Variants in IDO2 observed in about 807,000 individuals in gnomAD.
The protein encoded by IDO2 is indoleamine 2,3-dioxygenase-like 1 protein.
In IDO2, 46 loss-of-function variants were observed where a neutral mutation model predicts 45.1. The observed-to-expected ratio is 1.02, with a 90% CI of 0.80 to 1.30. The LOEUF is 1.30. Among genes scored for constraint, IDO2 ranks in the 50% most tolerant of loss-of-function variants. IDO2 has a pLI of 0.00. For synonymous variants in IDO2, 218 were observed against 184.9 expected, an observed-to-expected ratio of 1.18 and a Z score of -1.45; for missense variants, 544 against 491.8, an observed-to-expected ratio of 1.11 and a Z score of -1.00.
At chr8:39,947,730 T>C (rs1807759542) in intron 1 of IDO2, among the ~76,000 whole-genome samples, 1 of 152,108 alleles carries the variant, frequency 6.6e-6, no homozygotes, top group South Asian at 2.1e-4. Flanking sequence ...GTACCTTTTC[T>C]GCAGGAAGTA....
chr8:40,005,777 C>G (rs1160433117), intron 9 of IDO2, among the ~76,000 whole-genome samples: 3 of 152,116 alleles, frequency 2.0e-5, no homozygotes, highest in African/African-American at 4.8e-5. Context: ...TCTAAAGTTC[C>G]TGGAAGAGCT....
intron 8 of IDO2, among the ~76,000 whole-genome samples, chr8:39,994,302 G>A (rs1168959814): frequency 1.3e-5 from 2 of 148,964 alleles, no homozygotes; most frequent in Non-Finnish European, 3.0e-5. Flanking sequence ...TTGTTGCCCA[G>A]GCTGGGGTGC....
At chr8:39,956,646 G>A (rs1197080773) in intron 2 of IDO2, among the ~76,000 whole-genome samples, 1 of 152,106 alleles carries the variant, frequency 6.6e-6, no homozygotes, top group African/African-American at 2.4e-5. Context: ...CTTATTCCCT[G>A]TTGAAGTTTG....
At chr8:39,946,957 C>G (rs189904420) in intron 1 of IDO2, among the ~76,000 whole-genome samples, 1 of 151,780 alleles carries the variant, frequency 6.6e-6, no homozygotes, top group African/African-American at 2.4e-5. Context: ...GTCAGGAGTT[C>G]CAGACCAGCC....
At chr8:40,004,553 A>AGAT (rs1563441323) in intron 8 of IDO2, among the ~76,000 whole-genome samples, 1 of 151,934 alleles carries the variant, frequency 6.6e-6, no homozygotes. Context: ...ATAGATAGAT[A>AGAT]GATAGATAGA....
At chr8:39,988,787 T>C (rs897189865) in intron 7 of IDO2, among the ~76,000 whole-genome samples, 1 of 152,170 alleles carries the variant, frequency 6.6e-6, no homozygotes, top group African/African-American at 2.4e-5. Context: ...ATTTCTGCTA[T>C]ATTATAGCGC....
At chr8:39,985,681 C>T (rs1808412089) in intron 6 of IDO2, 159 bp downstream of exon 6, 3 of 655,824 alleles carry the variant, frequency 4.6e-6, no homozygotes, top group Admixed American at 3.1e-5. Flanking sequence ...GCCTAAAATT[C>T]ACAGTCTAAA....
chr8:39,995,665 G>C (rs981889913), intron 8 of IDO2, among the ~76,000 whole-genome samples: 2 of 152,202 alleles, frequency 1.3e-5, no homozygotes. Flanking sequence ...ATAGATTATA[G>C]ATATGATTAC....
chr8:39,946,698 C>G (rs1233351092), intron 1 of IDO2, among the ~76,000 whole-genome samples: 1 of 152,204 alleles, frequency 6.6e-6, no homozygotes, highest in Admixed American at 6.5e-5. Flanking sequence ...GTCTCCCGCA[C>G]AGCCTGCTCT....
intron 3 of IDO2, among the ~76,000 whole-genome samples, chr8:39,967,964 A>G (rs1808116085): frequency 6.6e-6 from 1 of 152,122 alleles, no homozygotes; most frequent in South Asian, 2.1e-4. Context: ...ACATAGATTT[A>G]CCATGCAACT....
intron 2 of IDO2, among the ~76,000 whole-genome samples, chr8:39,962,975 C>T (rs916563166): frequency 3.3e-5 from 5 of 152,240 alleles, no homozygotes; most frequent in Admixed American, 1.3e-4. Flanking sequence ...CTCTGGGTCA[C>T]GGGTTTCATC....
chr8:39,970,966 C>T (rs889902884), intron 3 of IDO2, among the ~76,000 whole-genome samples: 6 of 151,820 alleles, frequency 4.0e-5, no homozygotes, highest in African/African-American at 1.5e-4. Flanking sequence ...GGGGTTTCAC[C>T]ATGTTGGCCA....
At chr8:39,976,463 G>A (rs565087132) in intron 3 of IDO2, among the ~76,000 whole-genome samples, 1 of 152,278 alleles carries the variant, frequency 6.6e-6, no homozygotes, top group African/African-American at 2.4e-5. Context: ...GCTGAGTGAT[G>A]AGTAAATAAG....
chr8:39,941,049 A>G (rs59312250), intron 1 of IDO2, among the ~76,000 whole-genome samples: 63,515 of 150,844 alleles, frequency 0.42, 13,555 homozygotes, highest in East Asian at 0.59. Context: ...GGTGAAACCC[A>G]ATCTCTTCTA....
intron 3 of IDO2, among the ~76,000 whole-genome samples, chr8:39,966,880 C>T (rs1327900207): frequency 6.6e-6 from 1 of 152,100 alleles, no homozygotes; most frequent in African/African-American, 2.4e-5. Flanking sequence ...AAGAGGGTAG[C>T]CCACTTGGCA....
At chr8:39,973,153 G>A (rs1009080721) in intron 3 of IDO2, among the ~76,000 whole-genome samples, 1 of 152,190 alleles carries the variant, frequency 6.6e-6, no homozygotes, top group Admixed American at 6.5e-5. Context: ...AGATCAGCAA[G>A]GGGTAGGAGG....
chr8:39,985,011 A>G (rs1207378805), intron 5 of IDO2: 2 of 370,152 alleles, frequency 5.4e-6, no homozygotes, highest in East Asian at 1.8e-4. Flanking sequence ...GGCTCACTGC[A>G]ACCTCTGCCT....
chr8:39,990,544 C>T (rs557595197), intron 8 of IDO2, among the ~76,000 whole-genome samples: 6 of 152,350 alleles, frequency 3.9e-5, no homozygotes, highest in African/African-American at 7.2e-5. Context: ...ACTTACACAA[C>T]GACATCTGCC....
chr8:39,951,563 CATT>C (rs1224647363), intron 2 of IDO2, among the ~76,000 whole-genome samples: 2 of 152,152 alleles, frequency 1.3e-5, no homozygotes, highest in Admixed American at 1.3e-4. Flanking sequence ...TCAATTTTCA[CATT>C]TACTGGATGG....
Sources: gnomAD v4.1 joint callset for allele counts (sites outside exome capture counted in the v4.1 genomes callset) on GRCh38, gnomAD v4.1.1 for gene constraint, MANE v1.5 for transcripts, NCBI Gene and HGNC (gene_info 2026-07-23, HGNC 2026-07-21) for gene names.